ARHGAP11B: variants seen among roughly 807,000 people sequenced by gnomAD.
ARHGAP11B encodes the protein inactive Rho GTPase-activating protein 11B.
Under a neutral mutation model 27.6 loss-of-function variants are expected in ARHGAP11B, and 14 were observed. The ratio of observed to expected loss-of-function variants is 0.51; its 90% CI spans 0.34 to 0.79. ARHGAP11B has a LOEUF of 0.79. Ranked by LOEUF, ARHGAP11B falls within the 30% of genes least tolerant of loss-of-function variation. ARHGAP11B has a pLI of 0.02. For missense variants in ARHGAP11B, 245 were observed against 320.1 expected (o/e 0.77, Z 1.79); for synonymous variants, 82 against 114.1 (o/e 0.72, Z 1.80).
At chr15:30,630,574 C>T in intron 1 of ARHGAP11B, 129 bp from the exon 2 acceptor site, 3 of 1,508,780 alleles carry the variant, frequency 2.0e-6, no homozygotes, top group Non-Finnish European at 2.7e-6. Flanking sequence ...TTATTTTTGT[C>T]TTGATTGATA....
At chr15:30,636,527 T>G (rs2060280556) in intron 6 of ARHGAP11B, among the ~76,000 whole-genome samples, 1 of 152,040 alleles carries the variant, frequency 6.6e-6, no homozygotes, top group South Asian at 2.1e-4. Flanking sequence ...ATCTTTTGGT[T>G]TATTTGTTAT....
At chr15:30,638,105 C>T (rs2060292916) in intron 6 of ARHGAP11B, among the ~76,000 whole-genome samples, 1 of 26 alleles carries the variant, frequency 0.038, no homozygotes, top group African/African-American at 0.5. Flanking sequence ...CAGGTGTGAG[C>T]CACTGGCACC....
In ARHGAP11B at chr15:30,635,012, A is replaced by G. The variant is rs553820862; in HGVS notation, c.552-68A>G. The G allele has an allele frequency of 7.2e-6, 11 of 1,528,280 alleles. No homozygotes were observed. In the East Asian group the frequency reaches 1.1e-4, roughly 16 times the overall value. 94.7% of individuals were successfully genotyped at this position (1,528,280 alleles called of 1,614,324 possible). A position where few individuals can be genotyped will look rare whatever the true frequency, so the allele number is the denominator to read the frequency against. ...TAATAAAGTCTTCAAAATGTACTAC[A>G]TACGTTATTTTAACTCTTCTGTATT... On this transcript the variant is annotated intron_variant, in intron 4 of 10. Coordinates refer to ENST00000428041, the Ensembl canonical transcript of ARHGAP11B.
At chr15:30,639,957 G>A (rs111277997) in intron 7 of ARHGAP11B, among the ~76,000 whole-genome samples, 1 of 138,290 alleles carries the variant, frequency 7.2e-6, no homozygotes, top group Admixed American at 7.4e-5. Context: ...AAAATAGACA[G>A]TGTTTCAATA....
chr15:30,643,425 C>G (rs954389340), intron 7 of ARHGAP11B, among the ~76,000 whole-genome samples: 3 of 151,806 alleles, frequency 2.0e-5, no homozygotes, highest in Non-Finnish European at 4.4e-5. Context: ...ATTACAGGGG[C>G]CTGCCACTGC....
intron 2 of ARHGAP11B, 80 bp downstream of exon 2, chr15:30,630,853 G>T: frequency 2.5e-6 from 4 of 1,607,958 alleles, no homozygotes; most frequent in Non-Finnish European, 3.4e-6. Flanking sequence ...GCCGAGGTGG[G>T]CAGATCACTT....
chr15:30,642,662 T>G (rs887224276), intron 7 of ARHGAP11B, among the ~76,000 whole-genome samples: 1 of 151,946 alleles, frequency 6.6e-6, no homozygotes, highest in Non-Finnish European at 1.5e-5. Flanking sequence ...TTTCAGAGCC[T>G]AAAGCCATTT....
intron 7 of ARHGAP11B, among the ~76,000 whole-genome samples, chr15:30,643,785 G>A (rs900664422): frequency 4.6e-5 from 7 of 152,052 alleles, no homozygotes; most frequent in African/African-American, 1.7e-4. Context: ...ATACAGTAAT[G>A]CTGGTTACTT....
intron 1 of ARHGAP11B, among the ~76,000 whole-genome samples, chr15:30,629,371 C>T (rs544059444): frequency 9.2e-5 from 14 of 151,856 alleles, no homozygotes; most frequent in East Asian, 3.9e-4. Context: ...GTGAACCCCC[C>T]CCGCCCCACG....
chr15:30,635,033 G>A, intron 4 of ARHGAP11B, 47 bp from the exon 5 acceptor site: 3 of 1,578,336 alleles, frequency 1.9e-6, no homozygotes, highest in Non-Finnish European at 2.6e-6. Context: ...TAACTCTTCT[G>A]TATTTTCACG....
intron 7 of ARHGAP11B, among the ~76,000 whole-genome samples, chr15:30,643,769 C>A (rs1458614420): frequency 6.6e-6 from 1 of 151,920 alleles, no homozygotes; most frequent in East Asian, 1.9e-4. Context: ...AAGAATACTG[C>A]AGTAAATACA....
At position 30,635,117 on chromosome 15, in the gene ARHGAP11B, GT is replaced by G; in HGVS notation, c.590del (p.Val197GlufsTer41). On this transcript the variant is annotated frameshift_variant, in exon 5 of 11. Transcript: ENST00000428041. LOFTEE classifies it high-confidence loss of function. The stretch of plus-strand genomic sequence containing the variant: ...TAAGATGGATAGCAGCAATCTTGCA[GT>G]AATATTTGCACCAAATCTTCTTCAG... The G allele has an allele frequency of 6.2e-7, 1 of 1,613,556 alleles. No homozygotes were observed. Among genetic ancestry groups the G allele is most frequent in the Non-Finnish European group, 8.5e-7 (1 of 1,179,630 alleles).
intron 4 of ARHGAP11B, 79 bp from the exon 5 acceptor site, chr15:30,635,001 A>G (rs1275945147): frequency 1.3e-6 from 2 of 1,502,374 alleles, no homozygotes; most frequent in Non-Finnish European, 1.8e-6. Flanking sequence ...AAAGTCTTCA[A>G]AATGTACTAC....
rs528992530 is a variant in ARHGAP11B, at chr15:30,647,498, T to A, written c.*325-170T>A. Among the ~76,000 whole-genome samples the A allele has an allele frequency of 1.2e-4, 18 of 152,168 alleles. 1 individual carries two copies. In the South Asian group the frequency reaches 3.1e-3, roughly 26 times the overall value. On this transcript the variant is annotated intron_variant, in intron 9 of 10. Transcript: ENST00000428041. ...GTACTGTTCTTAGTTTCTATTTTAA[T>A]CTTATTCATATACAAGTGCCTTTGT...
At chr15:30,645,026 G>T (rs1029064448) in intron 8 of ARHGAP11B, among the ~76,000 whole-genome samples, 6 of 151,816 alleles carry the variant, frequency 4.0e-5, no homozygotes, top group Non-Finnish European at 8.8e-5. Flanking sequence ...TTTATGGCAG[G>T]TGTAGGTGCA....
chr15:30,640,461 A>G (rs1473558719), intron 7 of ARHGAP11B, among the ~76,000 whole-genome samples: 9 of 128,348 alleles, frequency 7.0e-5, no homozygotes, highest in East Asian at 2.2e-4. Context: ...CTTAGATTCA[A>G]TTGGCTCTTT....
intron 3 of ARHGAP11B, among the ~76,000 whole-genome samples, chr15:30,633,847 ATTG>A (rs1011564859): frequency 1.3e-5 from 2 of 151,672 alleles, no homozygotes; most frequent in African/African-American, 4.8e-5. Flanking sequence ...GTTAAGTTAT[ATTG>A]TTGTTAGCCT....
At chr15:30,627,655 G>T (rs2060218464) in intron 1 of ARHGAP11B, among the ~76,000 whole-genome samples, 1 of 151,914 alleles carries the variant, frequency 6.6e-6, no homozygotes, top group African/African-American at 2.4e-5. Flanking sequence ...AAGGGATTTT[G>T]AATGAGATTT....
chr15:30,629,004 C>T (rs1324419467), intron 1 of ARHGAP11B, among the ~76,000 whole-genome samples: 1 of 151,986 alleles, frequency 6.6e-6, no homozygotes, highest in African/African-American at 2.4e-5. Context: ...CTGATTTACC[C>T]AATAAAGGGG....
Sources: allele counts gnomAD v4.1 joint callset (sites outside exome capture counted in the v4.1 genomes callset), GRCh38; gene constraint gnomAD v4.1.1; transcripts MANE v1.5; gene names NCBI Gene and HGNC (gene_info 2026-07-23, HGNC 2026-07-21).